MICAL2: variants seen among roughly 807,000 people sequenced by gnomAD.
The protein encoded by MICAL2 is microtubule associated monooxygenase, calponin and LIM domain containing 2, also known as [F-actin]-monooxygenase MICAL2.
Under a neutral mutation model 127.3 loss-of-function variants are expected in MICAL2, and 77 were observed. That is an observed-to-expected ratio of 0.60 (90% CI 0.50 to 0.73). MICAL2 has a LOEUF of 0.73. Among genes scored for constraint, MICAL2 ranks in the 30% least tolerant of loss-of-function variants. The pLI is 0.00. For synonymous variants in MICAL2, 570 were observed against 551.1 expected, an observed-to-expected ratio of 1.03 and a Z score of -0.48; for missense variants, 1,351 against 1,434.4, an observed-to-expected ratio of 0.94 and a Z score of 0.94.
At chr11:12,285,971 C>G (rs1565293405) in intron 2 of MICAL2, among the ~76,000 whole-genome samples, 1 of 152,198 alleles carries the variant, frequency 6.6e-6, no homozygotes, top group Non-Finnish European at 1.5e-5. Context: ...TTCTCTCCAG[C>G]AGTGATGGAG....
chr11:12,308,932 G>A (rs371326612), intron 29 of MICAL2, among the ~76,000 whole-genome samples: 15 of 152,250 alleles, frequency 9.9e-5, no homozygotes, highest in African/African-American at 3.1e-4. Flanking sequence ...TTTTAATCAC[G>A]AGTAATGATA....
intron 1 of MICAL2, among the ~76,000 whole-genome samples, chr11:12,278,058 A>G (rs1863739047): frequency 6.6e-6 from 1 of 152,244 alleles, no homozygotes; most frequent in South Asian, 2.1e-4. Context: ...TGGAGCTCAC[A>G]GGACTGGAAG....
chr11:12,347,969 C>T (rs544780228), intron 32 of MICAL2, among the ~76,000 whole-genome samples: 10 of 152,122 alleles, frequency 6.6e-5, no homozygotes, highest in South Asian at 4.2e-4. Flanking sequence ...TCCTGGCCAA[C>T]GTGGTGAAAC....
chr11:12,116,275 G>A (rs901100111), intron 1 of MICAL2, among the ~76,000 whole-genome samples: 2 of 149,698 alleles, frequency 1.3e-5, no homozygotes, highest in Admixed American at 1.3e-4. Context: ...ACTGCGCCTG[G>A]CCCCTCTTTC....
intron 26 of MICAL2, chr11:12,261,641 G>A (rs910612947): frequency 3.0e-6 from 3 of 985,334 alleles, no homozygotes; most frequent in East Asian, 1.1e-4. Context: ...TGTGGGTGAG[G>A]AGTCAGAACC....
At position 12,131,210 on chromosome 11, in the gene MICAL2, G is replaced by A. The variant is rs376598318; in HGVS notation, c.-148-7180G>A. Among the ~76,000 whole-genome samples the A allele has an allele frequency of 1.8e-3, 157 of 85,068 alleles. 58 individuals are homozygous for A. In the South Asian group the frequency reaches 0.063, roughly 34 times the overall value. 55.8% of individuals were successfully genotyped at this position (85,068 alleles called of 152,430 possible). A position where few individuals can be genotyped will look rare whatever the true frequency, so the allele number is the denominator to read the frequency against. On this transcript the variant is annotated intron_variant, in intron 1 of 27. Coordinates refer to ENST00000683283, the MANE Select transcript of MICAL2 (RefSeq NM_001282663.2). ...CGGGAGGCTGAGGCAGGAGAATGGC[G>A]TGAACCCGGGAGGCGGAGCTTGCAG... is the stretch of plus-strand genomic sequence containing the variant.
chr11:12,172,828 C>G (rs927222213), intron 3 of MICAL2, among the ~76,000 whole-genome samples: 2 of 152,108 alleles, frequency 1.3e-5, no homozygotes, highest in East Asian at 1.9e-4. Flanking sequence ...AGGCCCCGCC[C>G]CATCCTCCCA....
intron 10 of MICAL2, among the ~76,000 whole-genome samples, chr11:12,222,262 A>G (rs1314855271): frequency 6.6e-6 from 1 of 152,114 alleles, no homozygotes; most frequent in Non-Finnish European, 1.5e-5. Flanking sequence ...GGCCCTGACA[A>G]TCTTGGGTGT....
intron 3 of MICAL2, among the ~76,000 whole-genome samples, chr11:12,172,250 G>C (rs1251949316): frequency 6.6e-6 from 1 of 152,198 alleles, no homozygotes; most frequent in African/African-American, 2.4e-5. Context: ...ATGGGCACAG[G>C]AATTTTTGCC....
At chr11:12,259,689 T>C (rs965199793) in intron 25 of MICAL2, 106 bp from the exon 26 acceptor site, 3 of 999,000 alleles carry the variant, frequency 3.0e-6, no homozygotes, top group African/African-American at 1.7e-5. Flanking sequence ...TTGTGGGGGC[T>C]GGTTGCAGGG....
intron 22 of MICAL2, chr11:12,250,203 CA>C (rs1446757250): frequency 6.6e-6 from 1 of 152,210 alleles, no homozygotes; most frequent in Non-Finnish European, 1.5e-5. Context: ...TGATTTAAGA[CA>C]AGAGAGAAGT....
chr11:12,318,935 TC>T (rs1200865636), intron 29 of MICAL2, among the ~76,000 whole-genome samples: 2 of 152,196 alleles, frequency 1.3e-5, no homozygotes, highest in Non-Finnish European at 2.9e-5. Context: ...AATTCGGCTC[TC>T]CCTTGGGCCC....
chr11:12,222,622 G>A lies in MICAL2; in HGVS notation c.1328G>A (p.Ser443Asn), dbSNP rs1319463364. 1.2e-6 allele frequency: 2 copies of A among 1,614,250 alleles called. No homozygotes were observed. The highest frequency in any genetic ancestry group is 4.5e-5 in the East Asian group (2 of 44,894). Reference sequence around the variant, plus strand: ...CAGGCTCCGCCTCCCTCCAGGGAAAGTCTCTACCGGCTGTTACCTCAGACA... The same window carrying A: ...CAGGCTCCGCCTCCCTCCAGGGAAAATCTCTACCGGCTGTTACCTCAGACA... ...PPLELLAERE[S>N]LYRLLPQTTP... Residue 443 changes from serine to asparagine, a missense_variant, in exon 11 of 28, where the codon AGT becomes AAT. By Grantham distance (46) the Ser-to-Asn change is conservative. Around this residue, in one of 2 missense-constraint regions of MICAL2, gnomAD observed 599 missense variants for 714.9 expected, o/e 0.84. Coordinates refer to ENST00000683283, the MANE Select transcript of MICAL2 (RefSeq NM_001282663.2).
intron 30 of MICAL2, chr11:12,323,875 C>T: frequency 7.8e-7 from 1 of 1,286,902 alleles, no homozygotes; most frequent in Non-Finnish European, 1.1e-6. Context: ...TAAGCAGTGG[C>T]TGGGAATCAT....
At chr11:12,336,547 G>C (rs1938764343) in intron 32 of MICAL2, among the ~76,000 whole-genome samples, 1 of 152,270 alleles carries the variant, frequency 6.6e-6, no homozygotes, top group Non-Finnish European at 1.5e-5. Flanking sequence ...CAAAGGGAAT[G>C]CTTCCAGTTT....
upstream of MICAL2, among the ~76,000 whole-genome samples, chr11:12,272,872 A>C (rs1180915955): frequency 6.6e-6 from 1 of 152,072 alleles, no homozygotes; most frequent in Non-Finnish European, 1.5e-5. Context: ...GCCAACTGGC[A>C]GGCCCACTTA....
chr11:12,294,518 C>T (rs563980501), downstream of MICAL2: 1 of 1,614,144 alleles, frequency 6.2e-7, no homozygotes. Context: ...TAGGTCCCCA[C>T]CCTGCAGCAA....
intron 13 of MICAL2, among the ~76,000 whole-genome samples, 165 bp downstream of exon 13, chr11:12,224,985 A>G (rs952339748): frequency 5.3e-5 from 8 of 152,242 alleles, no homozygotes; most frequent in African/African-American, 1.9e-4. Flanking sequence ...CTCTGTCAGC[A>G]GTGTGTTTGA....
intron 29 of MICAL2, among the ~76,000 whole-genome samples, chr11:12,304,647 C>CACACACAT (rs1864087419): frequency 8.3e-6 from 1 of 120,702 alleles, no homozygotes; most frequent in Non-Finnish European, 1.7e-5. Context: ...AACACACACA[C>CACACACAT]ACACACACAC....
Sources: allele counts gnomAD v4.1 joint callset (sites outside exome capture counted in the v4.1 genomes callset), GRCh38; gene constraint gnomAD v4.1.1; regional missense constraint gnomAD v4.1.1; transcripts MANE v1.5; gene names NCBI Gene and HGNC (gene_info 2026-07-23, HGNC 2026-07-21).